The following DLC1 variants were observed in gnomAD, a reference collection of about 807,000 sequenced individuals.
DLC1 encodes the protein rho GTPase-activating protein 7.
Under a neutral mutation model 140.3 loss-of-function variants are expected in DLC1, and 54 were observed. That is an observed-to-expected ratio of 0.38 (90% CI 0.31 to 0.48). The LOEUF is 0.48. DLC1 is among the 20% of genes least tolerant of loss of function. The pLI is 0.96. For missense variants in DLC1, 2,536 were observed against 1,907.0 expected, an observed-to-expected ratio of 1.33 and a Z score of -6.14; for synonymous variants, 986 against 728.1, an observed-to-expected ratio of 1.35 and a Z score of -5.70.
chr8:13,354,515 C>T (rs1322861511), intron 4 of DLC1, among the ~76,000 whole-genome samples: 1 of 49,828 alleles, frequency 2.0e-5, no homozygotes, highest in South Asian at 7.4e-4. Context: ...AATAGAATGT[C>T]TTTAGAAGTT....
intron 5 of DLC1, chr8:13,133,163 G>A (rs1399070148): frequency 1.2e-5 from 17 of 1,440,574 alleles, no homozygotes; most frequent in Non-Finnish European, 1.4e-5. Context: ...GTTTTCTAAA[G>A]ATCGAAACGA....
At chr8:13,394,378 C>A (rs1836919474) in intron 3 of DLC1, among the ~76,000 whole-genome samples, 1 of 152,122 alleles carries the variant, frequency 6.6e-6, no homozygotes, top group African/African-American at 2.4e-5. Flanking sequence ...ATGCTAGCTA[C>A]TCCAATAAAT....
chr8:13,091,731 G>C (rs980708797), intron 13 of DLC1, among the ~76,000 whole-genome samples: 5 of 152,122 alleles, frequency 3.3e-5, no homozygotes, highest in South Asian at 2.1e-4. Flanking sequence ...TTTGCATGGT[G>C]GGGGAGCAAC....
chr8:13,165,405 A>G (rs1182682449), intron 5 of DLC1, among the ~76,000 whole-genome samples: 1 of 152,202 alleles, frequency 6.6e-6, no homozygotes, highest in East Asian at 1.9e-4. Context: ...CTGGTAGGTA[A>G]ATGACACGTG....
chr8:13,513,174 C>T (rs986443951), intron 1 of DLC1, among the ~76,000 whole-genome samples: 1 of 152,036 alleles, frequency 6.6e-6, no homozygotes, highest in Admixed American at 6.6e-5. Context: ...GGACAGGTCA[C>T]TTTTAAATCC....
intron 1 of DLC1, among the ~76,000 whole-genome samples, chr8:13,587,602 C>CATATATAT (rs3066503): frequency 3.3e-4 from 47 of 142,086 alleles, no homozygotes; most frequent in Middle Eastern, 3.7e-3. Context: ...ATATACATTG[C>CATATATAT]ATATATATAT....
intron 2 of DLC1, among the ~76,000 whole-genome samples, chr8:13,492,940 G>A (rs997624218): frequency 6.6e-6 from 1 of 152,078 alleles, no homozygotes; most frequent in African/African-American, 2.4e-5. Flanking sequence ...AGTTTTCAGT[G>A]GCCCAATGAA....
At chr8:13,095,038 G>A (rs1818390790) in intron 11 of DLC1, 48 bp downstream of exon 11, 3 of 1,613,504 alleles carry the variant, frequency 1.9e-6, no homozygotes, top group East Asian at 2.2e-5. Context: ...GAAGCTGCAT[G>A]TAATCCGAGC....
intron 5 of DLC1, among the ~76,000 whole-genome samples, chr8:13,299,711 C>A (rs1410309298): frequency 6.6e-6 from 1 of 152,020 alleles, no homozygotes; most frequent in Non-Finnish European, 1.5e-5. Context: ...GAAACAAATG[C>A]ACGTTAGGCA....
chr8:13,530,427 TAGG>T (rs1235943099), intron 1 of DLC1, among the ~76,000 whole-genome samples: 2 of 152,228 alleles, frequency 1.3e-5, no homozygotes, highest in Non-Finnish European at 2.9e-5. Flanking sequence ...GGGAAATTTT[TAGG>T]AGAAGATACT....
intron 5 of DLC1, among the ~76,000 whole-genome samples, chr8:13,129,120 TCTAA>T (rs1159972039): frequency 1.3e-5 from 2 of 152,196 alleles, no homozygotes; most frequent in Non-Finnish European, 1.5e-5. Flanking sequence ...TAACTGGATC[TCTAA>T]CTAATTTGAA....
chr8:13,307,576 T>G (rs1037134201), intron 4 of DLC1, among the ~76,000 whole-genome samples: 4 of 152,216 alleles, frequency 2.6e-5, no homozygotes, highest in Admixed American at 2.6e-4. Context: ...ACATTCGCTC[T>G]TTTGTGAAAA....
intron 5 of DLC1, among the ~76,000 whole-genome samples, chr8:13,189,580 G>A (rs889927330): frequency 3.3e-5 from 5 of 151,460 alleles, no homozygotes; most frequent in East Asian, 1.9e-4. Flanking sequence ...TGATTAGCAC[G>A]GAGAGAAAAG....
rs1824416621 is a variant in DLC1, at chr8:13,158,426, A to G, written c.1349-42769T>C. 1.3e-5 allele frequency among the ~76,000 whole-genome samples: 2 copies of G among 152,202 alleles called. 1 individual carries two copies. The highest frequency in any genetic ancestry group is 4.1e-4 in the South Asian group (2 of 4,832). ...TTTGGGGAAAATTCATGATTATTCA[A>G]TTGTACCTTGACCCTAACTTTGTGA... is the stretch of plus-strand genomic sequence containing the variant. On this transcript the variant is annotated intron_variant, in intron 5 of 17. Coordinates refer to ENST00000276297, the MANE Select transcript of DLC1 (RefSeq NM_182643.3).
chr8:13,486,325 C>A (rs1800966559), intron 2 of DLC1, among the ~76,000 whole-genome samples: 1 of 152,064 alleles, frequency 6.6e-6, no homozygotes, highest in Non-Finnish European at 1.5e-5. Flanking sequence ...CCTGAAATGG[C>A]AGTTAAATTC....
At chr8:13,247,342 T>A (rs535180575) in intron 5 of DLC1, among the ~76,000 whole-genome samples, 1 of 152,322 alleles carries the variant, frequency 6.6e-6, no homozygotes, top group South Asian at 2.1e-4. Flanking sequence ...CAAAGCAGTA[T>A]CAACTATAGA....
intron 2 of DLC1, among the ~76,000 whole-genome samples, chr8:13,471,679 TTAAAA>T (rs1800215623): frequency 1.3e-5 from 2 of 150,564 alleles, no homozygotes; most frequent in East Asian, 2.0e-4. Flanking sequence ...ACCCCTGAAC[TTAAAA>T]TAAAAGTTAA....
At chr8:13,350,686 A>C (rs1165721446) in intron 4 of DLC1, among the ~76,000 whole-genome samples, 1 of 152,062 alleles carries the variant, frequency 6.6e-6, no homozygotes, top group African/African-American at 2.4e-5. Context: ...ACTGCACTCC[A>C]GCCTGGGCCA....
Position 13,244,025 on chromosome 8 carries a change from T to C in DLC1, c.1348+61244A>G, listed in dbSNP as rs1401483759. The stretch of plus-strand genomic sequence containing the variant: ...CCTCACCTGGGGGAACCACCATTCC[T>C]TCAAGCACCCAAGGTAGGAACCTGG... On this transcript the variant is annotated intron_variant, in intron 5 of 17. Coordinates refer to ENST00000276297, the MANE Select transcript of DLC1 (RefSeq NM_182643.3). Among the ~76,000 whole-genome samples, 3 of 152,328 alleles carry C rather than the reference T, an allele frequency of 2.0e-5. No homozygotes were observed. In the South Asian group the frequency reaches 6.2e-4, roughly 32 times the overall value.
Sources: allele counts gnomAD v4.1 joint callset (sites outside exome capture counted in the v4.1 genomes callset), GRCh38; gene constraint gnomAD v4.1.1; transcripts MANE v1.5; gene names NCBI Gene and HGNC (gene_info 2026-07-23, HGNC 2026-07-21).